Variants in KCNAB1 observed in about 807,000 individuals in gnomAD.
KCNAB1 encodes the protein voltage-gated potassium channel subunit beta-1.
KCNAB1 carries 35 observed loss-of-function variants against 64.6 expected under a neutral mutation model. The observed-to-expected ratio is 0.54, with a 90% CI of 0.41 to 0.72. The LOEUF (loss-of-function observed/expected upper bound fraction) is 0.72, where lower values mean the gene tolerates loss of function less well. Among genes scored for constraint, KCNAB1 ranks in the 30% least tolerant of loss-of-function variants. KCNAB1 has a pLI of 0.00. For missense variants in KCNAB1, 401 were observed against 512.9 expected (o/e 0.78, Z 2.11); for synonymous variants, 177 against 183.8 (o/e 0.96, Z 0.30).
At chr3:156,529,609 C>T (rs1159542012) in intron 12 of KCNAB1, among the ~76,000 whole-genome samples, 4 of 152,112 alleles carry the variant, frequency 2.6e-5, no homozygotes, top group African/African-American at 9.7e-5. Flanking sequence ...GCGGGTGAGC[C>T]ATAACAATGG....
At chr3:156,171,526 G>A (rs1711988247) in intron 1 of KCNAB1, among the ~76,000 whole-genome samples, 2 of 152,128 alleles carry the variant, frequency 1.3e-5, no homozygotes, top group Admixed American at 1.3e-4. Context: ...GTGGCAATAT[G>A]TACTTTATCC....
At chr3:156,345,113 C>T (rs1724401559) in intron 1 of KCNAB1, among the ~76,000 whole-genome samples, 1 of 152,206 alleles carries the variant, frequency 6.6e-6, no homozygotes, top group Admixed American at 6.5e-5. Context: ...ATTCAAGAGG[C>T]TTCGTAATTT....
chr3:156,187,144 G>A (rs752326041), intron 1 of KCNAB1, among the ~76,000 whole-genome samples: 22 of 152,258 alleles, frequency 1.4e-4, no homozygotes, highest in African/African-American at 4.1e-4. Context: ...ATGAGCCACC[G>A]TGCTGGGACA....
intron 2 of KCNAB1, among the ~76,000 whole-genome samples, chr3:156,425,519 T>C (rs1006968447): frequency 6.6e-6 from 1 of 152,154 alleles, no homozygotes; most frequent in African/African-American, 2.4e-5. Context: ...ATACTGCCCA[T>C]TATTGTCAAG....
At chr3:156,371,506 C>T (rs1379940422) in intron 1 of KCNAB1, among the ~76,000 whole-genome samples, 1 of 152,106 alleles carries the variant, frequency 6.6e-6, no homozygotes, top group African/African-American at 2.4e-5. Context: ...CTGCTGATAT[C>T]GTTTTTTCAC....
chr3:156,363,018 A>G (rs1434236548), intron 1 of KCNAB1, among the ~76,000 whole-genome samples: 1 of 152,236 alleles, frequency 6.6e-6, no homozygotes, highest in African/African-American at 2.4e-5. Flanking sequence ...TGCCACAGAA[A>G]GAGCAGCGGA....
intron 12 of KCNAB1, 138 bp from the exon 13 acceptor site, chr3:156,531,271 T>C (rs1295970803): frequency 1.4e-6 from 1 of 727,358 alleles, no homozygotes; most frequent in East Asian, 2.5e-5. Context: ...AGGTTTTTAA[T>C]CCTAGGAAGC....
intron 1 of KCNAB1, among the ~76,000 whole-genome samples, chr3:156,376,206 A>G (rs1048673751): frequency 1.3e-5 from 2 of 152,230 alleles, no homozygotes; most frequent in Non-Finnish European, 2.9e-5. Flanking sequence ...AACCTGGTCC[A>G]TAGGGTACTC....
At chr3:156,262,895 T>C (rs1395142003) in intron 1 of KCNAB1, among the ~76,000 whole-genome samples, 1 of 151,874 alleles carries the variant, frequency 6.6e-6, no homozygotes. Context: ...TGGTAATTTG[T>C]GTTGTTTTAG....
At chr3:156,249,097 A>G (rs1449538669) in intron 1 of KCNAB1, among the ~76,000 whole-genome samples, 3 of 151,874 alleles carry the variant, frequency 2.0e-5, no homozygotes, top group Non-Finnish European at 2.9e-5. Flanking sequence ...TGCACCTGGA[A>G]GTCAGAATAA....
chr3:156,201,617 T>C (rs1213637183), intron 1 of KCNAB1, among the ~76,000 whole-genome samples: 1 of 152,200 alleles, frequency 6.6e-6, no homozygotes, highest in Non-Finnish European at 1.5e-5. Context: ...GCAGGCTCCA[T>C]GTCCACCAAT....
chr3:156,528,737 T>C (rs1718496907), intron 12 of KCNAB1, among the ~76,000 whole-genome samples: 1 of 152,100 alleles, frequency 6.6e-6, no homozygotes, highest in Non-Finnish European at 1.5e-5. Context: ...AGCAGCAAGA[T>C]GCTTGGAGAT....
chr3:156,455,736 G>T (rs1289707427), intron 3 of KCNAB1, among the ~76,000 whole-genome samples: 1 of 152,166 alleles, frequency 6.6e-6, no homozygotes, highest in Non-Finnish European at 1.5e-5. Flanking sequence ...CTGCTTCCCA[G>T]CGAGTCTCTG....
chr3:156,511,167 G>C (rs1717181104), intron 8 of KCNAB1, among the ~76,000 whole-genome samples: 1 of 152,014 alleles, frequency 6.6e-6, no homozygotes, highest in Non-Finnish European at 1.5e-5. Flanking sequence ...GCAGTGGCGT[G>C]ATCTCGGCTT....
chr3:156,410,177 T>C (rs1714547180), intron 1 of KCNAB1, among the ~76,000 whole-genome samples: 1 of 152,244 alleles, frequency 6.6e-6, no homozygotes, highest in South Asian at 2.1e-4. Context: ...AATTTTTGGG[T>C]CTACTGTTCA....
intron 1 of KCNAB1, among the ~76,000 whole-genome samples, chr3:156,209,297 A>G (rs146991509): frequency 1.3e-5 from 2 of 152,320 alleles, no homozygotes; most frequent in African/African-American, 4.8e-5. Flanking sequence ...AGCATGTGCA[A>G]AGGTACTATG....
chr3:156,423,221 G>A (rs1198411250), intron 2 of KCNAB1, among the ~76,000 whole-genome samples: 4 of 152,340 alleles, frequency 2.6e-5, no homozygotes, highest in African/African-American at 4.8e-5. Context: ...GCTTTTGCAC[G>A]TGGAAGAAAT....
At chr3:156,453,929 G>C (rs1712199593) in intron 3 of KCNAB1, among the ~76,000 whole-genome samples, 2 of 152,318 alleles carry the variant, frequency 1.3e-5, no homozygotes, top group African/African-American at 4.8e-5. Context: ...CCTGTAAAGT[G>C]CTTAGTGGGG....
chr3:156,210,094 A>G lies in KCNAB1; in HGVS notation c.275+89208A>G, dbSNP rs146134958. ...GGCTGCTCACTAAGCAAACTGTCAG[A>G]CTGCACTGGGTTATTGAATTGGAGT... On this transcript the variant is annotated intron_variant, in intron 1 of 13. Coordinates refer to ENST00000490337, the MANE Select transcript of KCNAB1 (RefSeq NM_172160.3). Among the ~76,000 whole-genome samples, 422 of 152,322 alleles carry G rather than the reference A, an allele frequency of 2.8e-3. 3 individuals carry two copies. Among genetic ancestry groups the G allele is most frequent in the African/African-American group, 9.4e-3 (390 of 41,580 alleles).
Sources: allele counts gnomAD v4.1 joint callset (sites outside exome capture counted in the v4.1 genomes callset), GRCh38; gene constraint gnomAD v4.1.1; transcripts MANE v1.5; gene names NCBI Gene and HGNC (gene_info 2026-07-23, HGNC 2026-07-21).